NAALADL2: variants seen among roughly 807,000 people sequenced by gnomAD.
The protein encoded by NAALADL2 is inactive N-acetylated-alpha-linked acidic dipeptidase-like protein 2.
In NAALADL2, 76 loss-of-function variants were observed where a neutral mutation model predicts 87.2. The ratio of observed to expected loss-of-function variants is 0.87; its 90% CI spans 0.72 to 1.05. The LOEUF (loss-of-function observed/expected upper bound fraction) is 1.05, where lower values mean the gene tolerates loss of function less well. Among genes scored for constraint, NAALADL2 ranks in the 50% least tolerant of loss-of-function variants. The pLI is 0.00. For synonymous variants in NAALADL2, 354 were observed against 331.0 expected (o/e 1.07, Z -0.75); for missense variants, 1,089 against 945.8 (o/e 1.15, Z -1.99).
intron 2 of NAALADL2, among the ~76,000 whole-genome samples, chr3:175,197,123 G>T (rs1739133646): frequency 1.3e-5 from 2 of 151,882 alleles, no homozygotes; most frequent in African/African-American, 4.8e-5. Context: ...AACACTTAAG[G>T]CCCTCTGCAA....
At chr3:175,463,810 C>A (rs1428575871) in intron 7 of NAALADL2, among the ~76,000 whole-genome samples, 3 of 147,526 alleles carry the variant, frequency 2.0e-5, no homozygotes, top group Non-Finnish European at 4.5e-5. Context: ...TCTAAAAAAG[C>A]CAAAGTTTTC....
intron 9 of NAALADL2, among the ~76,000 whole-genome samples, chr3:175,494,416 A>T (rs1312998193): frequency 6.6e-6 from 1 of 152,208 alleles, no homozygotes; most frequent in Admixed American, 6.6e-5. Flanking sequence ...TTTAAAATAA[A>T]CCTGTAGCTT....
intron 1 of NAALADL2, among the ~76,000 whole-genome samples, chr3:174,956,181 C>A (rs1579713081): frequency 6.6e-6 from 1 of 152,124 alleles, no homozygotes; most frequent in Non-Finnish European, 1.5e-5. Context: ...GGATAGACAG[C>A]ACTCAACAGC....
At chr3:174,846,033 T>G (rs561488987) in intron 3 of NAALADL2, among the ~76,000 whole-genome samples, 2 of 152,210 alleles carry the variant, frequency 1.3e-5, no homozygotes, top group East Asian at 3.9e-4. Flanking sequence ...CCACATGGAC[T>G]CCCAACAACT....
intron 1 of NAALADL2, among the ~76,000 whole-genome samples, chr3:174,488,434 G>T (rs1217595907): frequency 1.3e-5 from 2 of 152,044 alleles, no homozygotes; most frequent in African/African-American, 4.8e-5. Flanking sequence ...CTGAGATAAT[G>T]CCTAGGATAG....
intron 3 of NAALADL2, among the ~76,000 whole-genome samples, chr3:174,757,560 C>T (rs139852258): frequency 0.014 from 2,077 of 151,860 alleles, 26 homozygotes; most frequent in Non-Finnish European, 0.019. Context: ...GGCATGATCT[C>T]GGCTCACTGC....
chr3:175,640,348 A>G (rs1023583613), intron 11 of NAALADL2, among the ~76,000 whole-genome samples: 9 of 152,306 alleles, frequency 5.9e-5, no homozygotes, highest in Admixed American at 3.9e-4. Context: ...TTAATTGTGA[A>G]GAAGTGTCAG....
chr3:174,813,392 A>C (rs1720436886), intron 3 of NAALADL2, among the ~76,000 whole-genome samples: 1 of 134,282 alleles, frequency 7.4e-6, no homozygotes, highest in Admixed American at 7.5e-5. Flanking sequence ...CTCTATTTTT[A>C]CCCTACCTTT....
At chr3:174,515,538 G>C (rs918997371) in intron 1 of NAALADL2, among the ~76,000 whole-genome samples, 4 of 151,938 alleles carry the variant, frequency 2.6e-5, no homozygotes, top group Non-Finnish European at 4.4e-5. Context: ...CTCTTGCTAG[G>C]CTATATACTG....
intron 3 of NAALADL2, among the ~76,000 whole-genome samples, chr3:174,757,445 A>G (rs922611405): frequency 6.6e-6 from 1 of 151,902 alleles, no homozygotes; most frequent in African/African-American, 2.4e-5. Context: ...AACAAAAGAG[A>G]TGCTTTGGTT....
intron 5 of NAALADL2, among the ~76,000 whole-genome samples, chr3:175,327,148 CTTTTTTTTTTTTT>C (rs35198621): frequency 1.0e-5 from 1 of 99,514 alleles, no homozygotes; most frequent in Admixed American, 1.2e-4. Context: ...GTCTACATTT[CTTTTTTTTTTTTT>C]TTTTTTTTTT....
intron 11 of NAALADL2, among the ~76,000 whole-genome samples, chr3:175,686,830 G>T (rs1479353516): frequency 6.6e-6 from 1 of 152,138 alleles, no homozygotes. Flanking sequence ...CCAAGGTCAG[G>T]GAGAGGTCAT....
intron 1 of NAALADL2, among the ~76,000 whole-genome samples, chr3:174,861,358 G>A (rs1166240633): frequency 1.3e-5 from 2 of 152,012 alleles, no homozygotes; most frequent in Non-Finnish European, 2.9e-5. Context: ...GCAATGGAAT[G>A]CCTTAACATT....
chr3:174,491,197 C>T (rs1360892452), intron 1 of NAALADL2, among the ~76,000 whole-genome samples: 1 of 152,082 alleles, frequency 6.6e-6, no homozygotes. Flanking sequence ...ATTAATATTG[C>T]TGGTGTTCTC....
At chr3:175,327,790 CT>C (rs1760920134) in intron 5 of NAALADL2, among the ~76,000 whole-genome samples, 1 of 152,124 alleles carries the variant, frequency 6.6e-6, no homozygotes, top group Non-Finnish European at 1.5e-5. Flanking sequence ...TCCTCTGCCC[CT>C]CTGGGTTAGT....
chr3:175,201,017 A>G (rs889427584), intron 2 of NAALADL2, among the ~76,000 whole-genome samples: 1 of 152,164 alleles, frequency 6.6e-6, no homozygotes, highest in Non-Finnish European at 1.5e-5. Context: ...AATCCTTCTC[A>G]AAACTCTCAT....
chr3:174,548,187 A>G (rs1021963368), intron 1 of NAALADL2, among the ~76,000 whole-genome samples: 1 of 152,216 alleles, frequency 6.6e-6, no homozygotes, highest in African/African-American at 2.4e-5. Context: ...GCCTAAATTC[A>G]TACAGTCGGA....
intron 9 of NAALADL2, among the ~76,000 whole-genome samples, chr3:175,556,403 A>G (rs1453951680): frequency 6.6e-6 from 1 of 152,176 alleles, no homozygotes; most frequent in African/African-American, 2.4e-5. Flanking sequence ...AGAATACTAT[A>G]AAAATGTAAG....
intron 9 of NAALADL2, among the ~76,000 whole-genome samples, chr3:175,496,342 T>C (rs1383548361): frequency 6.6e-6 from 1 of 152,020 alleles, no homozygotes; most frequent in African/African-American, 2.4e-5. Context: ...TTCTATTATA[T>C]CTTTAAAAGT....
Sources: gnomAD v4.1 joint callset for allele counts (sites outside exome capture counted in the v4.1 genomes callset) on GRCh38, gnomAD v4.1.1 for gene constraint, MANE v1.5 for transcripts, NCBI Gene and HGNC (gene_info 2026-07-23, HGNC 2026-07-21) for gene names.